SPAG1: variants seen among roughly 807,000 people sequenced by gnomAD.
The protein encoded by SPAG1 is sperm associated antigen 1.
Under a neutral mutation model 100.5 loss-of-function variants are expected in SPAG1, and 69 were observed. The observed-to-expected ratio is 0.69, with a 90% confidence interval of 0.57 to 0.84. The LOEUF is 0.84. SPAG1 is among the 40% of genes least tolerant of loss of function. The pLI is 0.00. For missense variants in SPAG1, 955 were observed against 1,133.1 expected (o/e 0.84, Z 2.26); for synonymous variants, 336 against 411.6 (o/e 0.82, Z 2.22).
chr8:100,186,613 G>A (rs1586433333), intron 7 of SPAG1, among the ~76,000 whole-genome samples: 1 of 152,008 alleles, frequency 6.6e-6, no homozygotes, highest in African/African-American at 2.4e-5. Flanking sequence ...TTGTAGAATT[G>A]TATTTTATTA....
chr8:100,164,505 A>G (rs1158624689), intron 2 of SPAG1, among the ~76,000 whole-genome samples: 1 of 152,074 alleles, frequency 6.6e-6, no homozygotes, highest in African/African-American at 2.4e-5. Flanking sequence ...GTTCACTGCA[A>G]CCTCTGCCTC....
At position 100,176,374 on chromosome 8, in the gene SPAG1, T is replaced by C. The variant is rs1000856042; in HGVS notation, c.301-1442T>C. Among the ~76,000 whole-genome samples the C allele has an allele frequency of 6.3e-4, 93 of 148,068 alleles. 1 individual carries two copies. Among genetic ancestry groups the C allele is most frequent in the African/African-American group, 2.1e-3 (82 of 39,496 alleles). Reference sequence around the variant, plus strand: ...CTTTCTTTTTTTTTTTCTTTCTTTCTTTTTTTTTTGAGACTGAGTCTTGCT... The same window carrying C: ...CTTTCTTTTTTTTTTTCTTTCTTTCCTTTTTTTTTGAGACTGAGTCTTGCT... On this transcript the variant is annotated intron_variant, in intron 3 of 18. Transcript: ENST00000388798.
rs564944156 is a variant in SPAG1, at chr8:100,192,401, G to A, written c.939+905G>A. Among the ~76,000 whole-genome samples, 7 of 152,288 alleles carry A rather than the reference G, an allele frequency of 4.6e-5. No individual in the cohort carries two copies. The South Asian group carries it at 1.5e-3, about 32-fold the overall frequency. On this transcript the variant is annotated intron_variant, in intron 9 of 18. Transcript: ENST00000388798. ...TGCCCAATCTCTGCTCCATAGGGAA[G>A]CATCACCTTTATTACACTGGAGAGC...
chr8:100,207,513 A>G (rs1025570108), intron 10 of SPAG1, among the ~76,000 whole-genome samples: 1 of 152,250 alleles, frequency 6.6e-6, no homozygotes, highest in Non-Finnish European at 1.5e-5. Flanking sequence ...GAAGGACAGC[A>G]GTGAAGGGAA....
At chr8:100,214,988 C>CATAT (rs71274967) in intron 12 of SPAG1, among the ~76,000 whole-genome samples, 3 of 68,854 alleles carry the variant, frequency 4.4e-5, no homozygotes, top group Non-Finnish European at 8.5e-5. Context: ...AAACTTTACT[C>CATAT]ATATATATAT....
Position 100,187,156 on chromosome 8 carries a change from C to G in SPAG1, c.738C>G (p.Asn246Lys), listed in dbSNP as rs1473316930. 2 of 1,612,910 alleles carry G rather than the reference C, an allele frequency of 1.2e-6. No homozygotes were observed. Among genetic ancestry groups the G allele is most frequent in the South Asian group, 2.2e-5 (2 of 91,010 alleles). Residue 246 changes from asparagine to lysine, a missense_variant, in exon 8 of 19, where the codon AAC becomes AAG. Asn to Lys is a moderately conservative substitution (Grantham distance 94). Transcript: ENST00000388798. ...CGCTTCCCACTGTAGTTGCCTATAA[C>G]AATCGAGCTCAAGCAGAAATCAAAT... ...ISALPTVVAY[N>K]NRAQAEIKLQ...
intron 15 of SPAG1, 136 bp downstream of exon 15, chr8:100,231,424 T>C: frequency 1.7e-6 from 1 of 588,462 alleles, no homozygotes; most frequent in Non-Finnish European, 2.9e-6. Flanking sequence ...TATAGCAAGC[T>C]GTCCTAACCA....
intron 3 of SPAG1, among the ~76,000 whole-genome samples, chr8:100,174,970 CT>C (rs71274961): frequency 0.049 from 6,691 of 136,244 alleles, 231 homozygotes; most frequent in African/African-American, 0.12. Flanking sequence ...TATTTCATGG[CT>C]TTTTTTTTTT....
In SPAG1 at chr8:100,239,458, T is replaced by TCCAG; in HGVS notation, c.2280+54_2280+55insCCAG. 52 of 1,094,344 alleles carry TCCAG rather than the reference T, an allele frequency of 4.8e-5. No homozygotes were observed. The highest frequency in any genetic ancestry group is 6.6e-5 in the Non-Finnish European group (48 of 724,210). 67.8% of individuals were successfully genotyped at this position (1,094,344 alleles called of 1,614,324 possible). ...ACTCCTTTGGGGACCTTAGACTGGA[T>TCCAG]TCTAAGGTCATATTCCTGTGAGTTC... On this transcript the variant is annotated intron_variant, in intron 17 of 18. Coordinates refer to ENST00000388798, the MANE Select transcript of SPAG1 (RefSeq NM_003114.5). The surrounding 1 kb of genome is among the most constrained non-coding windows in gnomAD (Gnocchi z 5.0).
intron 16 of SPAG1, among the ~76,000 whole-genome samples, chr8:100,233,771 C>G (rs1230916752): frequency 2.0e-5 from 3 of 152,190 alleles, no homozygotes; most frequent in Non-Finnish European, 4.4e-5. Flanking sequence ...ATGATTTATT[C>G]TCTAGTTTTC....
chr8:100,233,966 C>A (rs549785344), intron 16 of SPAG1, among the ~76,000 whole-genome samples: 1 of 152,292 alleles, frequency 6.6e-6, no homozygotes, highest in South Asian at 2.1e-4. Context: ...ACATCGGAGA[C>A]TTGAAAGCTT....
chr8:100,167,764 T>C lies in SPAG1; in HGVS notation c.300+1791T>C, dbSNP rs375099710. ...ATTTCACTGAGTTTTGACAAACGTA[T>C]ATGATACAGAACATTTCCATCACCA... On this transcript the variant is annotated intron_variant, in intron 3 of 18. Coordinates refer to ENST00000388798, the MANE Select transcript of SPAG1 (RefSeq NM_003114.5). Among the ~76,000 whole-genome samples the C allele has an allele frequency of 2.6e-5, 4 of 152,244 alleles. No individual in the cohort carries two copies. The East Asian group carries it at 7.7e-4, about 29-fold the overall frequency.
chr8:100,227,181 G>A (rs1341523665), intron 14 of SPAG1, among the ~76,000 whole-genome samples: 1 of 152,252 alleles, frequency 6.6e-6, no homozygotes, highest in East Asian at 1.9e-4. Flanking sequence ...ATGCATGGCT[G>A]TGTAATGCAG....
At chr8:100,218,356 T>C in intron 12 of SPAG1, among the ~76,000 whole-genome samples, 1 of 152,210 alleles carries the variant, frequency 6.6e-6, no homozygotes, top group East Asian at 1.9e-4. Flanking sequence ...TCTCATCAGT[T>C]TTAGATCCCA....
At chr8:100,170,627 A>C (rs917392626) in intron 3 of SPAG1, among the ~76,000 whole-genome samples, 7 of 151,820 alleles carry the variant, frequency 4.6e-5, no homozygotes, top group African/African-American at 1.7e-4. Flanking sequence ...TTCAATTTTT[A>C]ATTATACAAG....
chr8:100,200,195 T>C (rs1482905953), intron 10 of SPAG1, among the ~76,000 whole-genome samples: 1 of 152,182 alleles, frequency 6.6e-6, no homozygotes, highest in African/African-American at 2.4e-5. Context: ...GAACATGCAG[T>C]GTTTGGTTTT....
intron 10 of SPAG1, among the ~76,000 whole-genome samples, chr8:100,204,448 C>T (rs1031332770): frequency 2.0e-5 from 3 of 151,664 alleles, no homozygotes; most frequent in Non-Finnish European, 4.4e-5. Flanking sequence ...TTGGATCAGG[C>T]TGAATTTATT....
At chr8:100,219,844 A>G (rs1158698527) in intron 12 of SPAG1, among the ~76,000 whole-genome samples, 3 of 152,248 alleles carry the variant, frequency 2.0e-5, no homozygotes, top group African/African-American at 7.2e-5. Context: ...TAATGAACTA[A>G]TAAGTTTTAG....
rs183886319 is a variant in SPAG1, at chr8:100,176,888, T to A, written c.301-928T>A. ...TTCCCCATACCCCTCCCTCTCCCTC[T>A]CCTCCTCCCCCTCCCTCTCTCCTTT... On this transcript the variant is annotated intron_variant, in intron 3 of 18. Transcript: ENST00000388798. 3.5e-3 allele frequency among the ~76,000 whole-genome samples: 363 copies of A among 103,442 alleles called. 4 individuals carry two copies. The highest frequency in any genetic ancestry group is 5.7e-3 in the Non-Finnish European group (301 of 53,018). The allele number at this position is 103,442 out of a possible 152,430, so 67.9% of individuals were successfully genotyped here.
Sources: allele counts gnomAD v4.1 joint callset (sites outside exome capture counted in the v4.1 genomes callset), GRCh38; gene constraint gnomAD v4.1.1; non-coding constraint Gnocchi (gnomAD v3.1); transcripts MANE v1.5; gene names NCBI Gene and HGNC (gene_info 2026-07-23, HGNC 2026-07-21).